Variants in EBF2 observed in about 807,000 individuals in gnomAD.
EBF2 encodes transcription factor COE2.
Under a neutral mutation model 72.8 loss-of-function variants are expected in EBF2, and 21 were observed. That is an observed-to-expected ratio of 0.29 (90% CI 0.20 to 0.42). EBF2 has a LOEUF of 0.42. Among genes scored for constraint, EBF2 ranks in the 10% least tolerant of loss-of-function variants. The probability of loss-of-function intolerance (pLI) is 1.00; values close to 1 mark genes in which losing one functional copy is unlikely to be tolerated. For synonymous variants in EBF2, 299 were observed against 274.2 expected, an observed-to-expected ratio of 1.09 and a Z score of -0.89; for missense variants, 637 against 731.2, an observed-to-expected ratio of 0.87 and a Z score of 1.49.
chr8:25,936,570 T>A (rs1803582382), intron 6 of EBF2, among the ~76,000 whole-genome samples: 1 of 152,178 alleles, frequency 6.6e-6, no homozygotes, highest in Non-Finnish European at 1.5e-5. Flanking sequence ...TTGGATGAAG[T>A]TGAGTATTAG....
At chr8:25,905,828 T>G (rs367866982) in intron 7 of EBF2, among the ~76,000 whole-genome samples, 3 of 152,180 alleles carry the variant, frequency 2.0e-5, no homozygotes, top group Non-Finnish European at 4.4e-5. Context: ...GTGAATTGTA[T>G]GTTATATGAA....
At chr8:26,026,519 C>G (rs1326110505) in intron 6 of EBF2, among the ~76,000 whole-genome samples, 31 of 152,180 alleles carry the variant, frequency 2.0e-4, no homozygotes, top group Non-Finnish European at 4.4e-5. Context: ...CAACACAGGT[C>G]TTCTGGTCCT....
rs1255659511 is a variant in EBF2, at chr8:25,886,863, T to C, written c.901A>G (p.Ile301Val). ...TGCCGGGGAGGAGTCTGTACTCTGATGGCATGAGGGGTTATTAGCTGAGGA... is the reference window on the plus strand; with the variant it reads ...TGCCGGGGAGGAGTCTGTACTCTGACGGCATGAGGGGTTATTAGCTGAGGA... ...VWSELITPHA[I>V]RVQTPPRHIP... Residue 301 changes from isoleucine to valine, a missense_variant, in exon 10 of 16, where the codon ATC (isoleucine) becomes GTC (valine). By Grantham distance (29) the Ile-to-Val change is conservative. Transcript: ENST00000520164. 1.2e-6 allele frequency: 2 copies of C among 1,612,886 alleles called. No individual in the cohort carries two copies. The highest frequency in any genetic ancestry group is 2.2e-5 in the East Asian group (1 of 44,878).
At chr8:25,922,119 C>G (rs1426922666) in intron 6 of EBF2, among the ~76,000 whole-genome samples, 1 of 152,144 alleles carries the variant, frequency 6.6e-6, no homozygotes. Flanking sequence ...TCATGGGACT[C>G]CCATAAATCA....
Position 25,850,878 on chromosome 8 carries a change from AT to A in EBF2, c.1529-118del, listed in dbSNP as rs201987298. 1.3e-4 allele frequency: 152 copies of A among 1,205,452 alleles called. No individual in the cohort carries two copies. In the African/African-American group the frequency reaches 1.5e-3, roughly 12 times the overall value. The allele number at this position is 1,205,452 out of a possible 1,614,324, so 74.7% of individuals were successfully genotyped here. ...CCATGCATTGTTCCAGATTGCAGGGATTAAAAAAAAAAAGTTGAATGTGACA... is the reference window on the plus strand; with the variant it reads ...CCATGCATTGTTCCAGATTGCAGGGATAAAAAAAAAAAGTTGAATGTGACA... On this transcript the variant is annotated intron_variant, in intron 14 of 15. Coordinates refer to ENST00000520164, the MANE Select transcript of EBF2 (RefSeq NM_022659.4).
chr8:25,928,983 G>A (rs932163164), intron 6 of EBF2, among the ~76,000 whole-genome samples: 1 of 152,136 alleles, frequency 6.6e-6, no homozygotes. Flanking sequence ...CTGACGCAGT[G>A]AGATGCCTCT....
At chr8:26,010,224 T>A (rs182337093) in intron 6 of EBF2, among the ~76,000 whole-genome samples, 21 of 152,282 alleles carry the variant, frequency 1.4e-4, no homozygotes, top group Admixed American at 1.3e-3. Flanking sequence ...AATATAACTT[T>A]GTGAATATGT....
intron 6 of EBF2, among the ~76,000 whole-genome samples, chr8:25,926,391 C>T (rs1161076537): frequency 6.6e-6 from 1 of 152,256 alleles, no homozygotes; most frequent in African/African-American, 2.4e-5. Flanking sequence ...AATAATCTTC[C>T]CAAGTTGGCT....
intron 6 of EBF2, among the ~76,000 whole-genome samples, chr8:26,007,370 C>T (rs1340417799): frequency 6.6e-6 from 1 of 152,096 alleles, no homozygotes; most frequent in Non-Finnish European, 1.5e-5. Flanking sequence ...ACTTTGGTAT[C>T]GGGTCCCACT....
At chr8:25,923,662 G>A (rs1012629276) in intron 6 of EBF2, among the ~76,000 whole-genome samples, 1 of 152,152 alleles carries the variant, frequency 6.6e-6, no homozygotes, top group African/African-American at 2.4e-5. Flanking sequence ...TGTTAGCCAG[G>A]GTTGTGGGTA....
intron 6 of EBF2, among the ~76,000 whole-genome samples, chr8:25,963,485 G>A (rs139372777): frequency 6.6e-5 from 10 of 152,254 alleles, no homozygotes; most frequent in East Asian, 5.8e-4. Flanking sequence ...ACAAAGCCCC[G>A]GTGCTGTCCT....
intron 6 of EBF2, among the ~76,000 whole-genome samples, chr8:25,994,438 A>G (rs142743430): frequency 5.3e-5 from 8 of 152,324 alleles, no homozygotes; most frequent in African/African-American, 1.9e-4. Flanking sequence ...TTTAATAGTA[A>G]TATTAAAGAA....
intron 6 of EBF2, among the ~76,000 whole-genome samples, chr8:26,008,332 A>C (rs929641089): frequency 2.0e-5 from 3 of 152,198 alleles, no homozygotes; most frequent in Admixed American, 1.3e-4. Context: ...CATTTGACCA[A>C]TAATACTGCA....
chr8:26,038,284 A>G (rs780566598), intron 5 of EBF2, among the ~76,000 whole-genome samples: 4 of 152,232 alleles, frequency 2.6e-5, no homozygotes, highest in Admixed American at 6.5e-5. Context: ...ACAGCAGAGC[A>G]TCTTCCCAGG....
intron 10 of EBF2, among the ~76,000 whole-genome samples, chr8:25,870,778 A>G (rs1483363786): frequency 3.3e-5 from 5 of 152,140 alleles, no homozygotes; most frequent in Non-Finnish European, 7.4e-5. Flanking sequence ...TTTACACTGA[A>G]TAAGTAGATA....
At chr8:25,995,115 GA>G (rs2117213882) in intron 6 of EBF2, among the ~76,000 whole-genome samples, 1 of 152,250 alleles carries the variant, frequency 6.6e-6, no homozygotes, top group Admixed American at 6.5e-5. Context: ...AGACCAGCCT[GA>G]CCAACATGGA....
intron 6 of EBF2, among the ~76,000 whole-genome samples, chr8:25,973,631 T>G (rs1211901519): frequency 6.6e-6 from 1 of 152,152 alleles, no homozygotes; most frequent in African/African-American, 2.4e-5. Context: ...CTGTCTGCTT[T>G]GTTAGATTGT....
At chr8:25,895,208 C>G (rs931669127) in intron 7 of EBF2, among the ~76,000 whole-genome samples, 1 of 152,200 alleles carries the variant, frequency 6.6e-6, no homozygotes, top group South Asian at 2.1e-4. Context: ...CAGCTCTCCT[C>G]AACTGATATA....
At chr8:25,887,779 T>A (rs965591489) in intron 9 of EBF2, 63 bp downstream of exon 9, 3 of 1,457,074 alleles carry the variant, frequency 2.1e-6, no homozygotes, top group Non-Finnish European at 2.7e-6. Flanking sequence ...TTGTGCTAGT[T>A]TCCCAGATCA....
Sources: allele counts gnomAD v4.1 joint callset (sites outside exome capture counted in the v4.1 genomes callset), GRCh38; gene constraint gnomAD v4.1.1; transcripts MANE v1.5; gene names NCBI Gene and HGNC (gene_info 2026-07-23, HGNC 2026-07-21).